GLIS3: variants seen among roughly 807,000 people sequenced by gnomAD.
GLIS3 encodes GLIS family zinc finger 3, also known as zinc finger protein GLIS3.
Under a neutral mutation model 78.6 loss-of-function variants are expected in GLIS3, and 53 were observed. The observed-to-expected ratio is 0.67, with a 90% CI of 0.54 to 0.85. The LOEUF (loss-of-function observed/expected upper bound fraction) is 0.85, where lower values mean the gene tolerates loss of function less well. Among genes scored for constraint, GLIS3 ranks in the 40% least tolerant of loss-of-function variants. GLIS3 has a pLI of 0.00. For missense variants in GLIS3, 1,703 were observed against 1,231.1 expected, an observed-to-expected ratio of 1.38 and a Z score of -5.74; for synonymous variants, 684 against 509.9, an observed-to-expected ratio of 1.34 and a Z score of -4.60.
intron 6 of GLIS3, among the ~76,000 whole-genome samples, chr9:3,899,374 C>G (rs4740744): frequency 6.6e-6 from 1 of 152,010 alleles, no homozygotes; most frequent in Non-Finnish European, 1.5e-5. Context: ...CTCCAACAGT[C>G]AGTTACATAA....
intron 4 of GLIS3, among the ~76,000 whole-genome samples, chr9:4,018,341 C>T (rs1376508047): frequency 6.6e-6 from 1 of 152,150 alleles, no homozygotes; most frequent in East Asian, 1.9e-4. Context: ...AGCCTCGGGG[C>T]AGGGATGCAC....
At chr9:4,480,565 T>G in the GLIS3 span, among the ~76,000 whole-genome samples, 1 of 152,152 alleles carries the variant, frequency 6.6e-6, no homozygotes, top group Non-Finnish European at 1.5e-5. Context: ...TAATCCTCTT[T>G]CCTGTACCTA....
intron 4 of GLIS3, among the ~76,000 whole-genome samples, chr9:4,055,750 A>G (rs1384142001): frequency 1.3e-5 from 2 of 152,244 alleles, no homozygotes; most frequent in Non-Finnish European, 2.9e-5. Flanking sequence ...GATCAACCAC[A>G]GCAAGCTGGC....
chr9:4,397,551 C>G, the GLIS3 span, among the ~76,000 whole-genome samples: 570 of 151,556 alleles, frequency 3.8e-3, 1 homozygote, highest in Non-Finnish European at 6.6e-3. Flanking sequence ...GACTTCAAGG[C>G]TAGTGTAACC....
At chr9:3,860,445 C>T (rs1201086306) in intron 8 of GLIS3, among the ~76,000 whole-genome samples, 1 of 152,080 alleles carries the variant, frequency 6.6e-6, no homozygotes, top group Non-Finnish European at 1.5e-5. Context: ...TGCTCAGCCC[C>T]AACCCCCTGT....
At chr9:4,396,483 C>A in the GLIS3 span, among the ~76,000 whole-genome samples, 1 of 152,284 alleles carries the variant, frequency 6.6e-6, no homozygotes, top group African/African-American at 2.4e-5. Flanking sequence ...AACTGGACTT[C>A]ACTATTTTAA....
At chr9:4,367,730 A>T in the GLIS3 span, among the ~76,000 whole-genome samples, 1 of 151,854 alleles carries the variant, frequency 6.6e-6, no homozygotes, top group East Asian at 1.9e-4. Context: ...CAAGTACTAT[A>T]CATATTTATT....
chr9:4,460,826 T>A, the GLIS3 span, among the ~76,000 whole-genome samples: 1 of 152,126 alleles, frequency 6.6e-6, no homozygotes, highest in South Asian at 2.1e-4. Flanking sequence ...AAATCTGGAG[T>A]GTTTTTAATA....
At chr9:4,429,602 G>A in the GLIS3 span, among the ~76,000 whole-genome samples, 1 of 152,092 alleles carries the variant, frequency 6.6e-6, no homozygotes, top group African/African-American at 2.4e-5. Context: ...TTGACCCCAT[G>A]ACAATTTTAC....
intron 7 of GLIS3, among the ~76,000 whole-genome samples, chr9:3,891,066 C>CAAAAAA (rs58449134): frequency 5.5e-5 from 7 of 126,956 alleles, no homozygotes; most frequent in African/African-American, 2.0e-4. Flanking sequence ...CTTCCTTCCT[C>CAAAAAA]AAAAAAAAAA....
chr9:3,975,262 G>A (rs1818682433), intron 4 of GLIS3: 1 of 152,156 alleles, frequency 6.6e-6, no homozygotes, highest in Admixed American at 6.6e-5. Flanking sequence ...GCAGTTGGAA[G>A]AGTAATGTAC....
chr9:3,853,969 T>G (rs1254433095), intron 9 of GLIS3, among the ~76,000 whole-genome samples: 3 of 152,360 alleles, frequency 2.0e-5, no homozygotes, highest in African/African-American at 7.2e-5. Flanking sequence ...GAAAAATCAC[T>G]GCCAATTATA....
At chr9:3,848,713 A>G (rs945212999) in intron 9 of GLIS3, among the ~76,000 whole-genome samples, 7 of 152,164 alleles carry the variant, frequency 4.6e-5, no homozygotes, top group African/African-American at 1.7e-4. Context: ...CAATGCTCTG[A>G]TATTTCTACA....
chr9:4,320,749 T>C (rs1166304945), intron 2 of GLIS3, among the ~76,000 whole-genome samples: 3 of 152,104 alleles, frequency 2.0e-5, no homozygotes, highest in Non-Finnish European at 2.9e-5. Flanking sequence ...ATCACCATCA[T>C]TATCACTGCT....
the GLIS3 span, among the ~76,000 whole-genome samples, chr9:4,435,716 A>G: frequency 0.055 from 8,425 of 152,144 alleles, 328 homozygotes; most frequent in East Asian, 0.14. Flanking sequence ...TTGGGAGGCC[A>G]AGGCGGGCGG....
At chr9:4,377,617 AT>A in the GLIS3 span, among the ~76,000 whole-genome samples, 1 of 77,720 alleles carries the variant, frequency 1.3e-5, no homozygotes, top group African/African-American at 3.9e-5. Flanking sequence ...ATGCTATCTT[AT>A]TTCGCAAAGT....
the GLIS3 span, among the ~76,000 whole-genome samples, chr9:4,459,596 A>C: frequency 1.3e-5 from 2 of 152,144 alleles, no homozygotes; most frequent in Non-Finnish European, 2.9e-5. Context: ...AGACCTCATC[A>C]CTAGAAAAAA....
intron 4 of GLIS3, among the ~76,000 whole-genome samples, chr9:4,041,687 C>A (rs183177891): frequency 1.3e-5 from 2 of 152,144 alleles, no homozygotes; most frequent in Non-Finnish European, 2.9e-5. Context: ...TGGAATCTAA[C>A]GTCACAAAGT....
At chr9:4,395,310 C>G in the GLIS3 span, among the ~76,000 whole-genome samples, 1 of 152,108 alleles carries the variant, frequency 6.6e-6, no homozygotes, top group African/African-American at 2.4e-5. Context: ...CAAGGTGAGT[C>G]TTGTGTGTAG....
Sources: gnomAD v4.1 joint callset for allele counts (sites outside exome capture counted in the v4.1 genomes callset) on GRCh38, gnomAD v4.1.1 for gene constraint, MANE v1.5 for transcripts, NCBI Gene and HGNC (gene_info 2026-07-23, HGNC 2026-07-21) for gene names.